Variants in STRN3 observed in about 807,000 individuals in gnomAD.
STRN3 encodes the protein striatin 3.
In STRN3, 29 loss-of-function variants were observed where a neutral mutation model predicts 95.6. The ratio of observed to expected loss-of-function variants is 0.30; its 90% CI spans 0.23 to 0.41. The LOEUF (loss-of-function observed/expected upper bound fraction) is 0.41, where lower values mean the gene tolerates loss of function less well. STRN3 is among the 10% of genes least tolerant of loss of function. The pLI, the probability that STRN3 is intolerant of heterozygous loss-of-function variation, is 1.00. For synonymous variants in STRN3, 331 were observed against 357.6 expected (o/e 0.93, Z 0.84); for missense variants, 890 against 972.1 (o/e 0.92, Z 1.12).
At chr14:31,025,426 G>A (rs981657759) in intron 1 of STRN3, 10 of 166,166 alleles carry the variant, frequency 6.0e-5, no homozygotes, top group South Asian at 1.1e-4. Context: ...AAGTCTGAGG[G>A]AGGGGGCCAG....
chr14:30,971,043 T>C (rs1207233045), intron 1 of STRN3, among the ~76,000 whole-genome samples: 2 of 152,218 alleles, frequency 1.3e-5, no homozygotes, highest in Non-Finnish European at 2.9e-5. Flanking sequence ...CCAGCCTCCA[T>C]CTCCCAACAC....
intron 1 of STRN3, among the ~76,000 whole-genome samples, chr14:31,014,091 G>C (rs1282333263): frequency 6.6e-6 from 1 of 151,828 alleles, no homozygotes; most frequent in East Asian, 1.9e-4. Flanking sequence ...TTCTTGTAGA[G>C]ACAGGGTATC....
At chr14:30,920,043 T>A (rs1896842060) in intron 8 of STRN3, among the ~76,000 whole-genome samples, 1 of 152,142 alleles carries the variant, frequency 6.6e-6, no homozygotes, top group Non-Finnish European at 1.5e-5. Flanking sequence ...GACGTTATAT[T>A]TACTAACATC....
chr14:31,021,389 A>G (rs1318497321), intron 1 of STRN3, among the ~76,000 whole-genome samples: 1 of 152,364 alleles, frequency 6.6e-6, no homozygotes, highest in South Asian at 2.1e-4. Flanking sequence ...AAAATAAAAA[A>G]AAGACACCAA....
At chr14:31,019,865 A>G (rs1795801152) in intron 1 of STRN3, among the ~76,000 whole-genome samples, 1 of 151,092 alleles carries the variant, frequency 6.6e-6, no homozygotes, top group African/African-American at 2.4e-5. Flanking sequence ...TTGAATCATT[A>G]TAGTCCAGTT....
chr14:30,948,007 G>A (rs968622315), intron 4 of STRN3, among the ~76,000 whole-genome samples: 3 of 151,970 alleles, frequency 2.0e-5, no homozygotes, highest in Non-Finnish European at 4.4e-5. Flanking sequence ...ATGCTAAAGA[G>A]AAAAAGACTA....
chr14:30,920,283 A>G (rs1896847430), intron 8 of STRN3, among the ~76,000 whole-genome samples: 1 of 152,138 alleles, frequency 6.6e-6, no homozygotes, highest in Non-Finnish European at 1.5e-5. Context: ...GGATTAGGTA[A>G]TATGTTACGT....
At chr14:30,933,970 TA>T (rs569072129) in intron 7 of STRN3, among the ~76,000 whole-genome samples, 3 of 152,090 alleles carry the variant, frequency 2.0e-5, no homozygotes, top group East Asian at 1.9e-4. Context: ...AGTTGTTTTT[TA>T]AAAAAAATCT....
chr14:30,974,187 A>G (rs867628375), intron 1 of STRN3, among the ~76,000 whole-genome samples: 83 of 152,336 alleles, frequency 5.4e-4, no homozygotes, highest in African/African-American at 1.9e-3. Flanking sequence ...AGAAACTCAA[A>G]AGATTCCATA....
chr14:30,934,316 C>T (rs571952585), intron 7 of STRN3, among the ~76,000 whole-genome samples: 7 of 152,224 alleles, frequency 4.6e-5, no homozygotes, highest in African/African-American at 1.7e-4. Context: ...GAGCGAGACT[C>T]TGTCTCAAAA....
At chr14:30,971,956 T>G (rs573397220) in intron 1 of STRN3, among the ~76,000 whole-genome samples, 95 of 152,234 alleles carry the variant, frequency 6.2e-4, no homozygotes, top group African/African-American at 2.0e-3. Context: ...CAGAGAAGCT[T>G]CTTCTTTCAG....
At chr14:30,932,140 G>C (rs780291659) in intron 7 of STRN3, 1 of 152,188 alleles carries the variant, frequency 6.6e-6, no homozygotes, top group Non-Finnish European at 1.5e-5. Flanking sequence ...GGTGGCATGC[G>C]CCTGTAATCC....
chr14:30,910,983 A>T, intron 13 of STRN3, 58 bp downstream of exon 13: 1 of 1,568,646 alleles, frequency 6.4e-7, no homozygotes, highest in Non-Finnish European at 8.7e-7. Flanking sequence ...TATTTGAGGT[A>T]TTTACTTTTG....
intron 1 of STRN3, among the ~76,000 whole-genome samples, chr14:30,964,141 A>T (rs973254759): frequency 6.6e-6 from 1 of 152,182 alleles, no homozygotes; most frequent in East Asian, 1.9e-4. Context: ...AGTCTCAGCT[A>T]TACGAGAGGG....
chr14:30,943,467 G>A (rs971818514), intron 5 of STRN3, among the ~76,000 whole-genome samples: 9 of 152,102 alleles, frequency 5.9e-5, no homozygotes, highest in African/African-American at 2.2e-4. Flanking sequence ...AGGTGTGGTG[G>A]CATGTGGCTG....
At chr14:30,918,709 TAAGAA>T (rs752257918) in intron 9 of STRN3, among the ~76,000 whole-genome samples, 1 of 152,154 alleles carries the variant, frequency 6.6e-6, no homozygotes, top group Non-Finnish European at 1.5e-5. Flanking sequence ...AAATTAGATT[TAAGAA>T]AAGACTCTGA....
chr14:30,958,175 T>C (rs941381098), intron 1 of STRN3, among the ~76,000 whole-genome samples: 1 of 151,298 alleles, frequency 6.6e-6, no homozygotes, highest in African/African-American at 2.4e-5. Flanking sequence ...TAGCCAGGCG[T>C]GGTAGCATGT....
chr14:30,907,351 A>G (rs1225739341), intron 13 of STRN3, among the ~76,000 whole-genome samples: 2 of 151,812 alleles, frequency 1.3e-5, no homozygotes, highest in Non-Finnish European at 2.9e-5. Flanking sequence ...TCTCTCATTT[A>G]AAGTGTATAC....
chr14:30,936,347 T>C (rs1264998433), intron 6 of STRN3, 148 bp downstream of exon 6: 2 of 867,614 alleles, frequency 2.3e-6, no homozygotes, highest in African/African-American at 1.7e-5. Context: ...ATGTGTGTAA[T>C]GCAAAAAGAG....
Sources: allele counts gnomAD v4.1 joint callset (sites outside exome capture counted in the v4.1 genomes callset), GRCh38; gene constraint gnomAD v4.1.1; transcripts MANE v1.5; gene names NCBI Gene and HGNC (gene_info 2026-07-23, HGNC 2026-07-21).